NKAIN3: variants seen among roughly 807,000 people sequenced by gnomAD.
The protein encoded by NKAIN3 is sodium/potassium transporting ATPase interacting 3.
A neutral mutation model predicts 30.2 loss-of-function variants in NKAIN3; 25 were observed. The observed-to-expected ratio is 0.83, with a 90% CI of 0.60 to 1.16. The LOEUF is 1.16. Among genes scored for constraint, NKAIN3 ranks in the 50% most tolerant of loss-of-function variants. The pLI is 0.00. For synonymous variants in NKAIN3, 91 were observed against 89.6 expected, an observed-to-expected ratio of 1.02 and a Z score of -0.09; for missense variants, 225 against 254.1, an observed-to-expected ratio of 0.89 and a Z score of 0.78.
chr8:62,453,214 C>T (rs149286108), intron 1 of NKAIN3, among the ~76,000 whole-genome samples: 28 of 151,898 alleles, frequency 1.8e-4, no homozygotes, highest in African/African-American at 6.5e-4. Flanking sequence ...TTTTGAGGTA[C>T]CATATGCTAA....
At chr8:62,744,637 G>C (rs1816009456) in intron 3 of NKAIN3, among the ~76,000 whole-genome samples, 1 of 152,144 alleles carries the variant, frequency 6.6e-6, no homozygotes, top group South Asian at 2.1e-4. Context: ...ACATCTAACT[G>C]TAAGAAATTA....
At chr8:62,454,685 A>G (rs1158777982) in intron 1 of NKAIN3, among the ~76,000 whole-genome samples, 1 of 152,244 alleles carries the variant, frequency 6.6e-6, no homozygotes, top group Non-Finnish European at 1.5e-5. Flanking sequence ...TGTAATGATT[A>G]AAGAGAACAA....
chr8:62,878,730 C>G (rs1820879334), intron 4 of NKAIN3, among the ~76,000 whole-genome samples: 1 of 145,002 alleles, frequency 6.9e-6, no homozygotes, highest in East Asian at 2.1e-4. Flanking sequence ...TCTCATTGTT[C>G]AATTCCCACC....
chr8:62,741,891 C>T (rs1434740877), intron 3 of NKAIN3, among the ~76,000 whole-genome samples: 1 of 152,118 alleles, frequency 6.6e-6, no homozygotes, highest in Non-Finnish European at 1.5e-5. Context: ...GCTGTCTTGT[C>T]TCTAGGCTGC....
At chr8:62,746,525 C>T (rs1310506665) in intron 3 of NKAIN3, among the ~76,000 whole-genome samples, 4 of 152,160 alleles carry the variant, frequency 2.6e-5, no homozygotes, top group Non-Finnish European at 4.4e-5. Flanking sequence ...GTGAAATTCA[C>T]TTAGAACAAC....
intron 1 of NKAIN3, among the ~76,000 whole-genome samples, chr8:62,302,220 A>G (rs1814072973): frequency 6.6e-6 from 1 of 152,034 alleles, no homozygotes; most frequent in African/African-American, 2.4e-5. Flanking sequence ...TGGGTTACCT[A>G]CTCATTAGGA....
chr8:62,496,775 T>A (rs1447163678), intron 1 of NKAIN3, among the ~76,000 whole-genome samples: 3 of 152,190 alleles, frequency 2.0e-5, no homozygotes, highest in Non-Finnish European at 4.4e-5. Context: ...ATGATTAGCG[T>A]AGATTAGACT....
chr8:62,567,785 G>C (rs1585956536), intron 1 of NKAIN3, among the ~76,000 whole-genome samples: 5 of 152,178 alleles, frequency 3.3e-5, no homozygotes, highest in Middle Eastern at 3.4e-3. Context: ...AGCCCATTGA[G>C]ACCTGTTTCA....
chr8:62,853,868 A>G (rs1325165556), intron 4 of NKAIN3, among the ~76,000 whole-genome samples: 5 of 152,110 alleles, frequency 3.3e-5, no homozygotes, highest in Non-Finnish European at 7.4e-5. Flanking sequence ...ACACTGCTTT[A>G]TCTACATCCC....
At chr8:62,994,882 T>C (rs1305532314) in intron 5 of NKAIN3, among the ~76,000 whole-genome samples, 1 of 152,164 alleles carries the variant, frequency 6.6e-6, no homozygotes, top group Non-Finnish European at 1.5e-5. Flanking sequence ...CTCAGGAAAG[T>C]AAATAGCAAA....
chr8:62,742,131 TA>T (rs1815922724), intron 3 of NKAIN3, among the ~76,000 whole-genome samples: 1 of 10,042 alleles, frequency 1.0e-4, no homozygotes, highest in African/African-American at 2.2e-4. Flanking sequence ...GTATATCTTA[TA>T]TATATATATA....
intron 5 of NKAIN3, among the ~76,000 whole-genome samples, chr8:62,952,154 T>TA (rs1342588176): frequency 1.3e-5 from 2 of 152,178 alleles, no homozygotes; most frequent in Non-Finnish European, 2.9e-5. Flanking sequence ...GATATTATTT[T>TA]AAATCCTGTC....
intron 6 of NKAIN3, among the ~76,000 whole-genome samples, chr8:62,954,193 G>A (rs1023335786): frequency 6.6e-6 from 1 of 152,090 alleles, no homozygotes; most frequent in African/African-American, 2.4e-5. Context: ...AAAAACAATA[G>A]TTCTGTCTTA....
At chr8:62,345,771 T>G (rs1440895445) in intron 1 of NKAIN3, among the ~76,000 whole-genome samples, 4 of 151,878 alleles carry the variant, frequency 2.6e-5, no homozygotes, top group Admixed American at 1.3e-4. Flanking sequence ...TTACTTCTTT[T>G]GCCTAATTTT....
chr8:62,770,148 G>C (rs1397725713), intron 4 of NKAIN3, among the ~76,000 whole-genome samples: 1 of 152,208 alleles, frequency 6.6e-6, no homozygotes, highest in Non-Finnish European at 1.5e-5. Flanking sequence ...TGCACATCTA[G>C]CAGAAGAGAA....
chr8:62,505,693 A>G (rs549366468), intron 1 of NKAIN3, among the ~76,000 whole-genome samples: 2 of 152,148 alleles, frequency 1.3e-5, no homozygotes, highest in Non-Finnish European at 2.9e-5. Flanking sequence ...TATCATTGGT[A>G]TCTTAATCAA....
chr8:62,996,320 A>G (rs1456977297), intron 5 of NKAIN3, among the ~76,000 whole-genome samples: 1 of 150,466 alleles, frequency 6.6e-6, no homozygotes, highest in African/African-American at 2.4e-5. Flanking sequence ...TAAAACCATC[A>G]GATCACATGA....
At chr8:62,487,715 G>T (rs1806945884) in intron 1 of NKAIN3, among the ~76,000 whole-genome samples, 1 of 152,104 alleles carries the variant, frequency 6.6e-6, no homozygotes, top group African/African-American at 2.4e-5. Flanking sequence ...GGAATGAGTT[G>T]AAAGCTACTA....
In NKAIN3 at chr8:62,907,672, G is replaced by A. The variant is rs142126917; in HGVS notation, c.472-10781G>A. On this transcript the variant is annotated intron_variant, in intron 4 of 6. Transcript: ENST00000623646. Reference sequence around the variant, plus strand: ...TACAGCTCAGGCTGTTGTTTCAGAGGGTGCAAGCCCCTAGCCTTGGCAGCA... The same window carrying A: ...TACAGCTCAGGCTGTTGTTTCAGAGAGTGCAAGCCCCTAGCCTTGGCAGCA... Among the ~76,000 whole-genome samples, 139 of 152,290 alleles carry A rather than the reference G, an allele frequency of 9.1e-4. 1 individual carries two copies. The Middle Eastern group carries it at 0.02, about 22-fold the overall frequency.
Sources: allele counts gnomAD v4.1 joint callset (sites outside exome capture counted in the v4.1 genomes callset), GRCh38; gene constraint gnomAD v4.1.1; transcripts MANE v1.5; gene names NCBI Gene and HGNC (gene_info 2026-07-23, HGNC 2026-07-21).